The following PIEZO2 variants were observed in gnomAD, a reference collection of about 807,000 sequenced individuals.
The protein encoded by PIEZO2 is piezo-type mechanosensitive ion channel component 2.
A neutral mutation model predicts 337.3 loss-of-function variants in PIEZO2; 172 were observed. The ratio of observed to expected loss-of-function variants is 0.51; its 90% CI spans 0.45 to 0.58. PIEZO2 has a LOEUF of 0.58. PIEZO2 is among the 20% of genes least tolerant of loss of function. The pLI is 0.00. For missense variants in PIEZO2, 3,028 were observed against 3,391.3 expected, an observed-to-expected ratio of 0.89 and a Z score of 2.66; for synonymous variants, 1,251 against 1,228.5, an observed-to-expected ratio of 1.02 and a Z score of -0.38.
intron 3 of PIEZO2, among the ~76,000 whole-genome samples, chr18:10,926,159 G>A (rs2031725124): frequency 1.3e-5 from 2 of 152,196 alleles, no homozygotes; most frequent in South Asian, 2.1e-4. Flanking sequence ...GGGTGCAGGA[G>A]GTCACAGATC....
rs956717761 is a variant in PIEZO2 at position 11,112,978 on chromosome 18, G to A, written c.64+35547C>T. Among the ~76,000 whole-genome samples, 2 of 152,168 alleles carry A rather than the reference G, an allele frequency of 1.3e-5. No individual in the cohort carries two copies. Among genetic ancestry groups the A allele is most frequent in the African/African-American group, 4.8e-5 (2 of 41,436 alleles). On this transcript the variant is annotated intron_variant, in intron 1 of 55. Transcript: ENST00000674853. This position sits in a 1 kb window ranked among gnomAD's most constrained non-coding sequence, Gnocchi z 4.3. ...TCAGACCTACAGGATAAAGGTCCTG[G>A]TGTGTTTATTATTTTGGTACCTAAC...
Position 11,148,113 on chromosome 18 carries a change from C to A in PIEZO2, c.64+412G>T, listed in dbSNP as rs1429597600. Among the ~76,000 whole-genome samples the A allele has an allele frequency of 6.6e-6, 1 of 152,092 alleles. No homozygotes were observed. Among genetic ancestry groups the A allele is most frequent in the Non-Finnish European group, 1.5e-5 (1 of 68,018 alleles). On this transcript the variant is annotated intron_variant, in intron 1 of 55. Coordinates refer to ENST00000674853, the MANE Select transcript of PIEZO2 (RefSeq NM_001378183.1). This position sits in a 1 kb window ranked among gnomAD's most constrained non-coding sequence, Gnocchi z 5.2. ...GGTCTGGGAGAGATGGCCTCTGGGC[C>A]GTCTGGAGGCACAGCATGCTGTGCT...
chr18:11,027,517 G>A lies in PIEZO2; in HGVS notation c.160+38610C>T, dbSNP rs576126191. On this transcript the variant is annotated intron_variant, in intron 2 of 55. Transcript: ENST00000674853. The surrounding 1 kb of genome is among the most constrained non-coding windows in gnomAD (Gnocchi z 4.2). ...TTTCAAGATGATATAGGTTTTGCAT[G>A]AGAGTTATACCTAAAAGTCATCTGG... Among the ~76,000 whole-genome samples, 3 of 152,326 alleles carry A rather than the reference G, an allele frequency of 2.0e-5. No homozygotes were observed. The highest frequency in any genetic ancestry group is 4.1e-4 in the South Asian group (2 of 4,820).
intron 27 of PIEZO2, among the ~76,000 whole-genome samples, chr18:10,756,845 G>A (rs1039386201): frequency 6.6e-6 from 1 of 150,834 alleles, no homozygotes; most frequent in African/African-American, 2.4e-5. Context: ...TGGGGATTAA[G>A]GATGAAGGAT....
chr18:11,031,721 G>C lies in PIEZO2; in HGVS notation c.160+34406C>G, dbSNP rs1298323977. 2.0e-5 allele frequency among the ~76,000 whole-genome samples: 3 copies of C among 152,084 alleles called. No individual in the cohort carries two copies. The highest frequency in any genetic ancestry group is 4.4e-5 in the Non-Finnish European group (3 of 68,028). ...CAGATATAACCCTTGGTTGCTCTTGGTACGACTTACCCTTGGTTGTAAGTT... is the reference window on the plus strand; with the variant it reads ...CAGATATAACCCTTGGTTGCTCTTGCTACGACTTACCCTTGGTTGTAAGTT... On this transcript the variant is annotated intron_variant, in intron 2 of 55. Coordinates refer to ENST00000674853, the MANE Select transcript of PIEZO2 (RefSeq NM_001378183.1). This position sits in a 1 kb window ranked among gnomAD's most constrained non-coding sequence, Gnocchi z 4.7.
chr18:11,062,245 T>C (rs988037420), intron 2 of PIEZO2, among the ~76,000 whole-genome samples: 20 of 151,942 alleles, frequency 1.3e-4, no homozygotes, highest in East Asian at 1.9e-4. Context: ...TTACACCTTA[T>C]ACAAAAATTA....
chr18:11,122,017 T>A (rs1434021454), intron 1 of PIEZO2, among the ~76,000 whole-genome samples: 1 of 152,064 alleles, frequency 6.6e-6, no homozygotes, highest in Non-Finnish European at 1.5e-5. Context: ...GCAGTGGCGC[T>A]ATCTCGGCTC....
intron 47 of PIEZO2, among the ~76,000 whole-genome samples, chr18:10,695,267 G>A (rs946601498): frequency 2.0e-5 from 3 of 152,260 alleles, no homozygotes; most frequent in African/African-American, 4.8e-5. Context: ...GAGATCTCGA[G>A]AGTAAGGAGG....
In PIEZO2 at chr18:10,713,447, G is replaced by C. The variant is rs2298740; in HGVS notation, c.5423+1317C>G. ...ATATCAATAAAATGGTCTCAGCTCC[G>C]TCTCCTATTTCATCTGGAAATATAT... On this transcript the variant is annotated intron_variant, in intron 39 of 55. Coordinates refer to ENST00000674853, the MANE Select transcript of PIEZO2 (RefSeq NM_001378183.1). This position sits in a 1 kb window ranked among gnomAD's most constrained non-coding sequence, Gnocchi z 4.5. Among the ~76,000 whole-genome samples the C allele has an allele frequency of 0.098, 14,949 of 151,886 alleles. 1,268 individuals carry two copies. The highest frequency in any genetic ancestry group is 0.22 in the East Asian group (1,106 of 5,144).
chr18:10,902,955 T>G (rs1024148084), intron 4 of PIEZO2, among the ~76,000 whole-genome samples: 1 of 152,164 alleles, frequency 6.6e-6, no homozygotes, highest in Non-Finnish European at 1.5e-5. Context: ...AGGAATTGAA[T>G]GGGGAGCTGG....
At chr18:10,838,221 T>C (rs1309757454) in intron 7 of PIEZO2, among the ~76,000 whole-genome samples, 1 of 152,200 alleles carries the variant, frequency 6.6e-6, no homozygotes, top group African/African-American at 2.4e-5. Context: ...CAATTCCTTT[T>C]CCCACCCTAC....
In PIEZO2 at chr18:11,023,314, T is replaced by C. The variant is rs529607079; in HGVS notation, c.160+42813A>G. Among the ~76,000 whole-genome samples the C allele has an allele frequency of 3.9e-5, 6 of 152,122 alleles. No homozygotes were observed. The East Asian group carries it at 9.7e-4, about 25-fold the overall frequency. On this transcript the variant is annotated intron_variant, in intron 2 of 55. Coordinates refer to ENST00000674853, the MANE Select transcript of PIEZO2 (RefSeq NM_001378183.1). Reference sequence around the variant, plus strand: ...AGGGTGCTGATTGGTGCATTTACAATCCCTGAGCTAGACACAAAGGTTCTC... The same window carrying C: ...AGGGTGCTGATTGGTGCATTTACAACCCCTGAGCTAGACACAAAGGTTCTC...
At chr18:10,736,841 G>A (rs1345268001) in intron 33 of PIEZO2, 131 bp from the exon 34 acceptor site, 4 of 1,027,514 alleles carry the variant, frequency 3.9e-6, no homozygotes, top group East Asian at 5.2e-5. Flanking sequence ...TTGGCAGAGA[G>A]GAAAACACAC....
Position 10,809,260 on chromosome 18 carries a change from C to CTT in PIEZO2, c.918-1988_918-1987dup, listed in dbSNP as rs869210659. Among the ~76,000 whole-genome samples, 514 of 65,844 alleles carry CTT rather than the reference C, an allele frequency of 7.8e-3. 19 individuals are homozygous for CTT. The highest frequency in any genetic ancestry group is 0.014 in the Middle Eastern group (1 of 72). The allele number at this position is 65,844 out of a possible 152,430, so 43.2% of individuals were successfully genotyped here. ...ACCTAAGATTTCTCTCTCTCTCTCT[C>CTT]TTTTTTTTTTTTTTTTTTTTTTTTT... On this transcript the variant is annotated intron_variant, in intron 7 of 55. Coordinates refer to ENST00000674853, the MANE Select transcript of PIEZO2 (RefSeq NM_001378183.1).
In PIEZO2 at chr18:10,872,805, A is replaced by G. The variant is rs989129273; in HGVS notation, c.330-1390T>C. The stretch of plus-strand genomic sequence containing the variant: ...AAAAAGCTAATGAAATGACTAGGTG[A>G]TATGAAGAAAAAGTTATACAGACTT... On this transcript the variant is annotated intron_variant, in intron 4 of 55. Transcript: ENST00000674853. This position sits in a 1 kb window ranked among gnomAD's most constrained non-coding sequence, Gnocchi z 4.3. 4.6e-5 allele frequency among the ~76,000 whole-genome samples: 7 copies of G among 152,344 alleles called. No homozygotes were observed. In the East Asian group the frequency reaches 9.6e-4, roughly 21 times the overall value.
At position 10,672,707 on chromosome 18, in the gene PIEZO2, C is replaced by T. The variant is rs768145082; in HGVS notation, c.8328G>A (p.Gly2776=). The T allele has an allele frequency of 1.2e-6, 2 of 1,613,948 alleles. No homozygotes were observed. The highest frequency in any genetic ancestry group is 3.3e-5 in the Admixed American group (2 of 59,990). ...GTCCTTACCCATAGCCAGCCAGGAA[C>T]CCCAGACTTGGGGGACTGACTTTGT... ...FNDKVSPPSL[G]FLAGYGIMGL... The change falls in exon 55 of 56, where the codon GGG becomes GGA. Residue 2776 remains glycine (G), a synonymous_variant. Transcript: ENST00000674853. This position sits in a 1 kb window ranked among gnomAD's most constrained non-coding sequence, Gnocchi z 4.7.
chr18:11,115,760 T>C (rs2039871799), intron 1 of PIEZO2, among the ~76,000 whole-genome samples: 1 of 152,100 alleles, frequency 6.6e-6, no homozygotes, highest in South Asian at 2.1e-4. Flanking sequence ...TATCTGGCAA[T>C]GATAATACTA....
chr18:10,997,565 C>G (rs895358796), intron 2 of PIEZO2, among the ~76,000 whole-genome samples: 1 of 152,014 alleles, frequency 6.6e-6, no homozygotes, highest in African/African-American at 2.4e-5. Context: ...CAGAGAAATA[C>G]AAACTACAAA....
At chr18:11,015,852 A>G (rs1298602645) in intron 2 of PIEZO2, among the ~76,000 whole-genome samples, 1 of 152,258 alleles carries the variant, frequency 6.6e-6, no homozygotes, top group East Asian at 1.9e-4. Context: ...GACACTTTAA[A>G]TCAAAACTGT....
Sources: gnomAD v4.1 joint callset for allele counts (sites outside exome capture counted in the v4.1 genomes callset) on GRCh38, gnomAD v4.1.1 for gene constraint, Gnocchi (gnomAD v3.1) non-coding constraint, MANE v1.5 for transcripts, NCBI Gene and HGNC (gene_info 2026-07-23, HGNC 2026-07-21) for gene names.